The following SFMBT1 variants were observed in gnomAD, a reference collection of about 807,000 sequenced individuals.
The protein encoded by SFMBT1 is scm-like with four MBT domains protein 1.
SFMBT1 carries 32 observed loss-of-function variants against 108.7 expected under a neutral mutation model. That is an observed-to-expected ratio of 0.29 (90% CI 0.22 to 0.40). SFMBT1 has a LOEUF of 0.40. Ranked by LOEUF, SFMBT1 falls within the 10% of genes least tolerant of loss-of-function variation. The pLI, the probability that SFMBT1 is intolerant of heterozygous loss-of-function variation, is 1.00. For synonymous variants in SFMBT1, 348 were observed against 369.5 expected, an observed-to-expected ratio of 0.94 and a Z score of 0.67; for missense variants, 816 against 1,059.6, an observed-to-expected ratio of 0.77 and a Z score of 3.19.
chr3:53,013,707 C>T (rs1198269089), intron 1 of SFMBT1, among the ~76,000 whole-genome samples: 1 of 133,528 alleles, frequency 7.5e-6, no homozygotes, highest in Non-Finnish European at 1.5e-5. Flanking sequence ...CAGCTCACTG[C>T]AACCTCCGCC....
Position 52,903,867 on chromosome 3 carries a change from C to T in SFMBT1, c.*1269G>A, listed in dbSNP as rs938390929. On this transcript the variant is annotated 3_prime_UTR_variant, in exon 21 of 21. Coordinates refer to ENST00000394752, the MANE Select transcript of SFMBT1 (RefSeq NM_016329.4). ...TTAACTTGAGCTGGGCTAAAAGACA[C>T]ACTTAAAAGAATACTGAGTTGTTTA... 1 of 152,154 alleles carries T rather than the reference C, an allele frequency of 6.6e-6. No homozygotes were observed. Among genetic ancestry groups the T allele is most frequent in the Non-Finnish European group, 1.5e-5 (1 of 68,022 alleles). 9.4% of individuals were successfully genotyped at this position (152,154 alleles called of 1,614,324 possible).
intron 3 of SFMBT1, among the ~76,000 whole-genome samples, chr3:52,951,922 G>A (rs938383246): frequency 2.6e-5 from 4 of 152,118 alleles, no homozygotes; most frequent in African/African-American, 9.7e-5. Context: ...GACTTTGAGG[G>A]GCTTGCTCCC....
At chr3:52,943,048 C>T (rs371623046) in intron 4 of SFMBT1, among the ~76,000 whole-genome samples, 1 of 152,072 alleles carries the variant, frequency 6.6e-6, no homozygotes, top group African/African-American at 2.4e-5. Context: ...TCTGGCCCAA[C>T]GGGCTTAAAA....
intron 1 of SFMBT1, among the ~76,000 whole-genome samples, chr3:53,035,872 C>A (rs1399856578): frequency 1.3e-5 from 2 of 152,204 alleles, no homozygotes; most frequent in African/African-American, 2.4e-5. Flanking sequence ...GGATTACAGG[C>A]GTGAGCAACC....
rs1166775274 is a variant in SFMBT1, at chr3:52,932,163, T to C, written c.599A>G (p.Glu200Gly). The change falls in exon 6 of 21, where the codon GAA becomes GGA. Residue 200 changes from glutamate (E) to glycine (G), a missense_variant. By Grantham distance (98) the Glu-to-Gly change is moderately conservative. Coordinates refer to ENST00000394752, the MANE Select transcript of SFMBT1 (RefSeq NM_016329.4). Reference protein sequence around the residue: ...GRLKLRYEGLESSDNYEHWLY... With the variant: ...GRLKLRYEGLGSSDNYEHWLY... ...CCAATGTTCATAATTGTCAGAACTT[T>C]CAAGTCCTTCATAACGTAGCTTCAG... The C allele has an allele frequency of 6.2e-7, 1 of 1,614,060 alleles. No individual in the cohort carries two copies. Among genetic ancestry groups the C allele is most frequent in the Non-Finnish European group, 8.5e-7 (1 of 1,180,048 alleles).
At position 52,938,212 on chromosome 3, in the gene SFMBT1, T is replaced by C. The variant is rs185947077; in HGVS notation, c.365-3311A>G. On this transcript the variant is annotated intron_variant, in intron 4 of 20. Coordinates refer to ENST00000394752, the MANE Select transcript of SFMBT1 (RefSeq NM_016329.4). ...ATGTCTCCTATACAGAGGACAAGAGTGGATTTTGCTTTATGAGGCAATCTG... is the reference window on the plus strand; with the variant it reads ...ATGTCTCCTATACAGAGGACAAGAGCGGATTTTGCTTTATGAGGCAATCTG... Among the ~76,000 whole-genome samples, 515 of 152,208 alleles carry C rather than the reference T, an allele frequency of 3.4e-3. 1 individual carries two copies. Among genetic ancestry groups the C allele is most frequent in the Non-Finnish European group, 6.6e-3 (446 of 68,000 alleles).
chr3:53,017,312 T>TGTTGCA (rs1239983393), intron 1 of SFMBT1, among the ~76,000 whole-genome samples: 1 of 152,238 alleles, frequency 6.6e-6, no homozygotes, highest in African/African-American at 2.4e-5. Context: ...ATTTTGAGGA[T>TGTTGCA]GTTGCAGTCA....
At chr3:52,906,063 A>G in intron 20 of SFMBT1, 50 bp downstream of exon 20, 1 of 1,595,300 alleles carries the variant, frequency 6.3e-7, no homozygotes, top group African/African-American at 1.3e-5. Flanking sequence ...TTACATCCAT[A>G]ATTTATTGCT....
chr3:52,955,777 A>C (rs1703758651), intron 2 of SFMBT1, among the ~76,000 whole-genome samples: 1 of 152,166 alleles, frequency 6.6e-6, no homozygotes, highest in Admixed American at 6.5e-5. Context: ...CAGAGATACA[A>C]AGAAGAGTTG....
chr3:52,947,597 GTTCT>G (rs1445296744), intron 3 of SFMBT1, among the ~76,000 whole-genome samples: 1 of 152,044 alleles, frequency 6.6e-6, no homozygotes, highest in Admixed American at 6.5e-5. Context: ...GTGGGCATCA[GTTCT>G]TTGACAGTTG....
At chr3:53,036,682 C>T (rs1420812823) in intron 1 of SFMBT1, among the ~76,000 whole-genome samples, 3 of 152,200 alleles carry the variant, frequency 2.0e-5, no homozygotes, top group Non-Finnish European at 4.4e-5. Flanking sequence ...TAAATGTGGA[C>T]AACTTCATTG....
At position 52,904,753 on chromosome 3, in the gene SFMBT1, C is replaced by G. The variant is rs1291549042; in HGVS notation, c.*383G>C. ...TTTCCAAGAAAAAGAAAGCAGAGAA[C>G]AAAGTTCAATCTACAATGGGAGGGA... On this transcript the variant is annotated 3_prime_UTR_variant, in exon 21 of 21. Coordinates refer to ENST00000394752, the MANE Select transcript of SFMBT1 (RefSeq NM_016329.4). 6.0e-6 allele frequency: 1 copy of G among 166,538 alleles called. No individual in the cohort carries two copies. Among genetic ancestry groups the G allele is most frequent in the South Asian group, 1.9e-4 (1 of 5,362 alleles). The allele number at this position is 166,538 out of a possible 1,614,324, so 10.3% of individuals were successfully genotyped here.
In SFMBT1 at chr3:52,908,054, G is replaced by C. The variant is rs184702884; in HGVS notation, c.1907-321C>G. On this transcript the variant is annotated intron_variant, in intron 17 of 20. Coordinates refer to ENST00000394752, the MANE Select transcript of SFMBT1 (RefSeq NM_016329.4). ...TTGCCTCTATGGAACCACACAGTAAGCACTTTTTTGTGTGTGACTTTTTTT... is the reference window on the plus strand; with the variant it reads ...TTGCCTCTATGGAACCACACAGTAACCACTTTTTTGTGTGTGACTTTTTTT... Among the ~76,000 whole-genome samples the C allele has an allele frequency of 1.2e-4, 18 of 149,956 alleles. No homozygotes were observed. In the East Asian group the frequency reaches 1.8e-3, roughly 15 times the overall value.
intron 2 of SFMBT1, among the ~76,000 whole-genome samples, chr3:52,955,661 T>C (rs768534433): frequency 8.5e-5 from 13 of 152,128 alleles, no homozygotes; most frequent in South Asian, 4.1e-4. Flanking sequence ...CAGGAAGAAG[T>C]TGAATCCCTG....
At position 52,910,807 on chromosome 3, in the gene SFMBT1, T is replaced by C. The variant is rs535138056; in HGVS notation, c.1906+196A>G. Among the ~76,000 whole-genome samples, 3 of 152,242 alleles carry C rather than the reference T, an allele frequency of 2.0e-5. No individual in the cohort carries two copies. In the East Asian group the frequency reaches 5.8e-4, roughly 29 times the overall value. On this transcript the variant is annotated intron_variant, in intron 17 of 20. Transcript: ENST00000394752. ...CCCGGCCAAAAGGGTTCTTAAAAAA[T>C]GAAAACACAACACATAGAAAAAGAA...
In SFMBT1 at chr3:53,020,794, C is replaced by T. The variant is rs535348815; in HGVS notation, c.-131+25022G>A. On this transcript the variant is annotated intron_variant, in intron 1 of 20. Coordinates refer to ENST00000394752, the MANE Select transcript of SFMBT1 (RefSeq NM_016329.4). ...AGTAGAGGCCGGGTACGGTGGTTCACGCCTGTCATCCCAGCACTTTGGGAG... is the reference window on the plus strand; with the variant it reads ...AGTAGAGGCCGGGTACGGTGGTTCATGCCTGTCATCCCAGCACTTTGGGAG... Among the ~76,000 whole-genome samples, 7 of 152,174 alleles carry T rather than the reference C, an allele frequency of 4.6e-5. No homozygotes were observed. In the South Asian group the frequency reaches 1.2e-3, roughly 27 times the overall value.
intron 1 of SFMBT1, chr3:53,018,903 C>G (rs538670938): frequency 1.3e-5 from 2 of 152,662 alleles, no homozygotes; most frequent in South Asian, 4.1e-4. Context: ...GAATCACAAG[C>G]TCTAAAGCTT....
chr3:53,027,738 T>A (rs61285888), intron 1 of SFMBT1, among the ~76,000 whole-genome samples: 8,963 of 152,188 alleles, frequency 0.059, 717 homozygotes, highest in South Asian at 0.18. Context: ...TAAAGCAGAG[T>A]CCGTATGTAA....
intron 1 of SFMBT1, among the ~76,000 whole-genome samples, chr3:53,041,822 A>G (rs1248917034): frequency 1.3e-5 from 2 of 151,914 alleles, no homozygotes; most frequent in Non-Finnish European, 2.9e-5. Context: ...AAATCTCGCA[A>G]GTAACCAAAA....
Sources: allele counts gnomAD v4.1 joint callset (sites outside exome capture counted in the v4.1 genomes callset), GRCh38; gene constraint gnomAD v4.1.1; transcripts MANE v1.5; gene names NCBI Gene and HGNC (gene_info 2026-07-23, HGNC 2026-07-21).